Variants in KRT7 observed in about 807,000 individuals in gnomAD.
KRT7 encodes the protein keratin, type II cytoskeletal 7.
A neutral mutation model predicts 42.8 loss-of-function variants in KRT7; 50 were observed. That is an observed-to-expected ratio of 1.17 (90% confidence interval 0.93 to 1.48). KRT7 has a LOEUF of 1.48. Among genes scored for constraint, KRT7 ranks in the 40% most tolerant of loss-of-function variants. The pLI, the probability that KRT7 is intolerant of heterozygous loss-of-function variation, is 0.00. For missense variants in KRT7, 588 were observed against 637.6 expected (o/e 0.92, Z 0.84); for synonymous variants, 268 against 266.3 (o/e 1.01, Z -0.06).
At chr12:52,240,203 C>T (rs539964106) in intron 4 of KRT7, among the ~76,000 whole-genome samples, 1 of 152,132 alleles carries the variant, frequency 6.6e-6, no homozygotes, top group South Asian at 2.1e-4. Context: ...ATAAAGTTTT[C>T]TTTTCATGGT....
Position 52,235,266 on chromosome 12 carries a change from G to C in KRT7, c.436G>C (p.Ala146Pro). 6.2e-7 allele frequency: 1 copy of C among 1,614,212 alleles called. No individual in the cohort carries two copies. The change falls in exon 2 of 9, where the codon GCT becomes CCT. Residue 146 changes from alanine to proline, a missense_variant. By Grantham distance (27) the Ala-to-Pro change is conservative (BLOSUM62 -1). Coordinates refer to ENST00000331817, the MANE Select transcript of KRT7 (RefSeq NM_005556.4). ...CCCAGACATCTTTGAGGCCCAGATT[G>C]CTGGCCTTCGGGGTCAGCTTGAGGC... ...RLPDIFEAQIAGLRGQLEALQ... is the reference protein window; with the variant it reads ...RLPDIFEAQIPGLRGQLEALQ...
In KRT7 at chr12:52,243,149, C is replaced by T. The variant is rs757946635; in HGVS notation, c.984+12C>T. 1 of 1,605,892 alleles carries T rather than the reference C, an allele frequency of 6.2e-7. No homozygotes were observed. Among genetic ancestry groups the T allele is most frequent in the Non-Finnish European group, 8.5e-7 (1 of 1,175,756 alleles). ...ACATCAAGAACCAGGTGGGACAAGT[C>T]CTCCTGGCTTCCCCTGCTACTTGGG... On this transcript the variant is annotated intron_variant, in intron 6 of 8. Transcript: ENST00000331817.
downstream of KRT7, chr12:52,253,655 G>T: frequency 6.6e-7 from 1 of 1,517,160 alleles, no homozygotes; most frequent in Non-Finnish European, 9.0e-7. Flanking sequence ...CAATGTCATC[G>T]TACTGAGCTT....
intron 1 of KRT7, 118 bp from the exon 2 acceptor site, chr12:52,235,037 A>C: frequency 1.1e-6 from 1 of 908,174 alleles, no homozygotes; most frequent in South Asian, 1.6e-5. Context: ...AGCCCCAGGC[A>C]GGGAAACAGC....
At chr12:52,245,923 TAGTC>T (rs1226478048) in intron 7 of KRT7, 6 of 418,314 alleles carry the variant, frequency 1.4e-5, no homozygotes, top group Non-Finnish European at 2.6e-5. Context: ...CACATTCAGG[TAGTC>T]AGGTCAGAGA....
chr12:52,236,693 G>C (rs1223034712), intron 2 of KRT7, among the ~76,000 whole-genome samples: 1 of 152,218 alleles, frequency 6.6e-6, no homozygotes, highest in Non-Finnish European at 1.5e-5. Context: ...TTCCACCCCA[G>C]GTTGTCCCTA....
At chr12:52,235,928 C>T (rs7135917) in intron 2 of KRT7, among the ~76,000 whole-genome samples, 30,282 of 152,046 alleles carry the variant, frequency 0.2, 3,210 homozygotes, top group Middle Eastern at 0.26. Context: ...ATGCGAGGGC[C>T]GCAGAGGCTG....
intron 5 of KRT7, 132 bp downstream of exon 5, chr12:52,241,768 T>C (rs1942095761): frequency 1.3e-6 from 1 of 740,818 alleles, no homozygotes; most frequent in Non-Finnish European, 2.2e-6. Flanking sequence ...TTTAAGTCTG[T>C]GGTGCTCAGC....
In KRT7 at chr12:52,246,707, AG is replaced by A. The variant is rs544028108; in HGVS notation, c.1205+1076del. On this transcript the variant is annotated intron_variant, in intron 7 of 8. Transcript: ENST00000331817. Reference sequence around the variant, plus strand: ...TGTGGGAAGAAGAATTAACACCAAAAGTCTCTGGGAACACAGAAGCTGATCT... The same window carrying A: ...TGTGGGAAGAAGAATTAACACCAAAATCTCTGGGAACACAGAAGCTGATCT... Among the ~76,000 whole-genome samples, 264 of 152,292 alleles carry A rather than the reference AG, an allele frequency of 1.7e-3. 1 individual carries two copies. The highest frequency in any genetic ancestry group is 6.1e-3 in the African/African-American group (252 of 41,550).
rs769502437 is a variant in KRT7 at position 52,233,604 on chromosome 12, C to T, written c.308C>T (p.Ala103Val). ...ATCAAGACCCTCAACAACAAGTTTGCCTCCTTCATCGACAAGGTGAGCGGG... is the reference window on the plus strand; with the variant it reads ...ATCAAGACCCTCAACAACAAGTTTGTCTCCTTCATCGACAAGGTGAGCGGG... ...EQIKTLNNKF[A>V]SFIDKVRFLE... Residue 103 changes from alanine (A) to valine (V), a missense_variant, in exon 1 of 9, where the codon GCC (alanine) becomes GTC (valine). Ala to Val is a moderately conservative substitution (Grantham distance 64, BLOSUM62 0). Coordinates refer to ENST00000331817, the MANE Select transcript of KRT7 (RefSeq NM_005556.4). 7 of 1,612,784 alleles carry T rather than the reference C, an allele frequency of 4.3e-6. No individual in the cohort carries two copies. The highest frequency in any genetic ancestry group is 5.9e-6 in the Non-Finnish European group (7 of 1,179,694).
downstream of KRT7, chr12:52,254,449 T>G: frequency 1.9e-6 from 1 of 528,344 alleles, no homozygotes; most frequent in South Asian, 1.6e-5. Context: ...GGGCACCCCA[T>G]CAGGCTGAGC....
At chr12:52,252,335 C>T (rs550918563), downstream of KRT7, 656 of 1,614,056 alleles carry the variant, frequency 4.1e-4, 9 homozygotes, top group South Asian at 5.3e-3. Flanking sequence ...AGTTCATCAC[C>T]TCCTGGTACT....
chr12:52,252,617 TC>T, downstream of KRT7: 1 of 1,098,410 alleles, frequency 9.1e-7, no homozygotes, highest in Non-Finnish European at 1.3e-6. Context: ...AAATTAGTGC[TC>T]CCAGGCATGT....
chr12:52,234,556 C>G (rs1194166025), intron 1 of KRT7, among the ~76,000 whole-genome samples: 4 of 152,106 alleles, frequency 2.6e-5, no homozygotes, highest in Admixed American at 2.6e-4. Context: ...CAGGTTCCCC[C>G]ATGTGTTGAG....
intron 6 of KRT7, 23 bp downstream of exon 6, chr12:52,243,160 C>A: frequency 6.2e-7 from 1 of 1,600,438 alleles, no homozygotes; most frequent in Non-Finnish European, 8.5e-7. Flanking sequence ...CTCCTGGCTT[C>A]CCCTGCTACT....
At chr12:52,244,284 A>G in intron 6 of KRT7, 1 of 974,920 alleles carries the variant, frequency 1.0e-6, no homozygotes, top group Non-Finnish European at 1.2e-6. Context: ...GCCAGCTTCC[A>G]GGCCAGGAGG....
At chr12:52,253,111 G>T, downstream of KRT7, 1 of 1,085,882 alleles carries the variant, frequency 9.2e-7, no homozygotes, top group Non-Finnish European at 1.4e-6. Flanking sequence ...CTGGGTGTTT[G>T]CCCTTGTCCC....
chr12:52,253,654 C>T (rs149445070), downstream of KRT7: 49 of 1,518,604 alleles, frequency 3.2e-5, no homozygotes, highest in African/African-American at 2.5e-4. Context: ...GCAATGTCAT[C>T]GTACTGAGCT....
At chr12:52,248,148 C>G in intron 7 of KRT7, 29 bp from the exon 8 acceptor site, 1 of 1,611,928 alleles carries the variant, frequency 6.2e-7, no homozygotes, top group Non-Finnish European at 8.5e-7. Context: ...AGGAAAGAGC[C>G]GTCCTCACTG....
Sources: gnomAD v4.1 joint callset for allele counts (sites outside exome capture counted in the v4.1 genomes callset) on GRCh38, gnomAD v4.1.1 for gene constraint, MANE v1.5 for transcripts, NCBI Gene and HGNC (gene_info 2026-07-23, HGNC 2026-07-21) for gene names.